The following RBFOX3 variants were observed in gnomAD, a reference collection of about 807,000 sequenced individuals.
The protein encoded by RBFOX3 is RNA binding fox-1 homolog 3.
In RBFOX3, 17 loss-of-function variants were observed where a neutral mutation model predicts 48.7. That is an observed-to-expected ratio of 0.35 (90% confidence interval 0.24 to 0.52). The LOEUF (loss-of-function observed/expected upper bound fraction) is 0.52. Among genes scored for constraint, RBFOX3 ranks in the 20% least tolerant of loss-of-function variants. RBFOX3 has a pLI of 0.94. For synonymous variants in RBFOX3, 212 were observed against 209.5 expected, an observed-to-expected ratio of 1.01 and a Z score of -0.10; for missense variants, 382 against 497.5, an observed-to-expected ratio of 0.77 and a Z score of 2.21.
At chr17:79,478,501 A>C (rs1555764381) in intron 2 of RBFOX3, among the ~76,000 whole-genome samples, 1 of 152,232 alleles carries the variant, frequency 6.6e-6, no homozygotes, top group Non-Finnish European at 1.5e-5. Context: ...GACTTTGTTT[A>C]TCTCTCAGCT....
At chr17:79,656,830 A>AAAAAGAAAG in the RBFOX3 span, among the ~76,000 whole-genome samples, 1 of 140,674 alleles carries the variant, frequency 7.1e-6, no homozygotes, top group Admixed American at 7.0e-5. Context: ...AGAAAGAAAG[A>AAAAAGAAAG]AAAGAAAGAA....
At position 79,363,492 on chromosome 17, in the gene RBFOX3, C is replaced by CTCAGAAGTATT. The variant is rs1309587982; in HGVS notation, c.-174-55669_-174-55668insAATACTTCTGA. 1.3e-5 allele frequency among the ~76,000 whole-genome samples: 2 copies of CTCAGAAGTATT among 152,038 alleles called. No homozygotes were observed. The highest frequency in any genetic ancestry group is 3.9e-4 in the East Asian group (2 of 5,186). On this transcript the variant is annotated intron_variant, in intron 2 of 14. Transcript: ENST00000693108. The surrounding 1 kb of genome is among the most constrained non-coding windows in gnomAD (Gnocchi z 4.7). ...TGCCTCCTCGGCTTTTTCAAGAAGC[C>CTCAGAAGTATT]TCAGAAGTATCTCAGAAGTATCTCA...
chr17:79,224,783 T>C (rs74001692), intron 4 of RBFOX3, among the ~76,000 whole-genome samples: 15,061 of 152,272 alleles, frequency 0.099, 1,114 homozygotes, highest in African/African-American at 0.21. Flanking sequence ...TTGTGATCAG[T>C]GACAGCCCCT....
At chr17:79,439,990 C>A (rs62061677) in intron 2 of RBFOX3, among the ~76,000 whole-genome samples, 1 of 152,054 alleles carries the variant, frequency 6.6e-6, no homozygotes, top group South Asian at 2.1e-4. Context: ...TGGCATCAAG[C>A]GGCAGGGGAG....
chr17:79,379,475 A>G (rs533672750), intron 2 of RBFOX3, among the ~76,000 whole-genome samples: 1 of 152,200 alleles, frequency 6.6e-6, no homozygotes, highest in South Asian at 2.1e-4. Flanking sequence ...CTCCATCTTC[A>G]CACCTTTCTC....
At chr17:79,263,663 C>T (rs547534390) in intron 3 of RBFOX3, among the ~76,000 whole-genome samples, 17 of 152,190 alleles carry the variant, frequency 1.1e-4, no homozygotes, top group African/African-American at 2.6e-4. Context: ...CCCTCTGCCC[C>T]GAGCCCAGGC....
At chr17:79,184,819 C>T (rs969369617) in intron 4 of RBFOX3, among the ~76,000 whole-genome samples, 2 of 152,134 alleles carry the variant, frequency 1.3e-5, no homozygotes, top group African/African-American at 2.4e-5. Context: ...ATGGCTGGCC[C>T]GGCAGTCATG....
chr17:79,504,225 T>C (rs1472982664), intron 1 of RBFOX3, among the ~76,000 whole-genome samples: 1 of 152,200 alleles, frequency 6.6e-6, no homozygotes, highest in Non-Finnish European at 1.5e-5. Flanking sequence ...AAACCTGGCA[T>C]AGCAGGAGCC....
intron 4 of RBFOX3, among the ~76,000 whole-genome samples, chr17:79,165,730 C>A (rs1394888333): frequency 1.3e-5 from 2 of 152,194 alleles, no homozygotes; most frequent in African/African-American, 4.8e-5. Context: ...CAGGACATGC[C>A]CCACCCCCAG....
chr17:79,517,557 C>T (rs1047465589), intron 1 of RBFOX3, among the ~76,000 whole-genome samples: 2 of 76 alleles, frequency 0.026, no homozygotes, highest in Non-Finnish European at 0.038. Flanking sequence ...GTTCAGGGGC[C>T]CCCATTCCTA....
chr17:79,424,162 C>T (rs2066942899), intron 2 of RBFOX3: 1 of 152,494 alleles, frequency 6.6e-6, no homozygotes, highest in Non-Finnish European at 1.5e-5. Flanking sequence ...TTATTCACCC[C>T]TCTCCCCAAG....
intron 2 of RBFOX3, among the ~76,000 whole-genome samples, chr17:79,461,679 G>A (rs782280011): frequency 1.1e-4 from 16 of 152,152 alleles, no homozygotes; most frequent in Admixed American, 2.0e-4. Flanking sequence ...GACCTTATTC[G>A]GAAACAGGGT....
chr17:79,284,888 G>A (rs1427748870), intron 3 of RBFOX3, among the ~76,000 whole-genome samples: 3 of 152,172 alleles, frequency 2.0e-5, no homozygotes, highest in Non-Finnish European at 4.4e-5. Flanking sequence ...TCATGAAGGG[G>A]CTGGAGATGG....
chr17:79,382,195 G>T (rs1053798108), intron 2 of RBFOX3, among the ~76,000 whole-genome samples: 1 of 152,196 alleles, frequency 6.6e-6, no homozygotes, highest in Non-Finnish European at 1.5e-5. Flanking sequence ...CACCCAACGG[G>T]AGACGATGGT....
At chr17:79,290,050 G>A (rs1057398685) in intron 3 of RBFOX3, among the ~76,000 whole-genome samples, 1 of 152,116 alleles carries the variant, frequency 6.6e-6, no homozygotes, top group Non-Finnish European at 1.5e-5. Flanking sequence ...ATGCCCAGGG[G>A]GTCTGAAGGG....
intron 4 of RBFOX3, among the ~76,000 whole-genome samples, chr17:79,232,160 T>A (rs1235782193): frequency 6.6e-6 from 1 of 152,184 alleles, no homozygotes; most frequent in African/African-American, 2.4e-5. Flanking sequence ...CTTTGACACA[T>A]GGGGATTACA....
At chr17:79,172,387 G>A (rs374590938) in intron 4 of RBFOX3, among the ~76,000 whole-genome samples, 2 of 152,162 alleles carry the variant, frequency 1.3e-5, no homozygotes, top group South Asian at 2.1e-4. Context: ...CAGACACAGC[G>A]TGTTGTTGCC....
At chr17:79,168,837 G>A (rs534109754) in intron 4 of RBFOX3, among the ~76,000 whole-genome samples, 15 of 147,068 alleles carry the variant, frequency 1.0e-4, no homozygotes, top group Middle Eastern at 3.4e-3. Context: ...CTTACATGCC[G>A]GGTGCGCCCT....
intron 2 of RBFOX3, among the ~76,000 whole-genome samples, chr17:79,382,223 GC>G (rs1004133957): frequency 2.6e-5 from 4 of 152,184 alleles, no homozygotes; most frequent in African/African-American, 9.7e-5. Context: ...ACTGAAGCAA[GC>G]TTTGGGCACC....
Sources: gnomAD v4.1 joint callset for allele counts (sites outside exome capture counted in the v4.1 genomes callset) on GRCh38, gnomAD v4.1.1 for gene constraint, Gnocchi (gnomAD v3.1) non-coding constraint, MANE v1.5 for transcripts, NCBI Gene and HGNC (gene_info 2026-07-23, HGNC 2026-07-21) for gene names.